The following STK33 variants were observed in gnomAD, a reference collection of about 807,000 sequenced individuals.
STK33 encodes the protein serine/threonine-protein kinase 33.
Under a neutral mutation model 58.0 loss-of-function variants are expected in STK33, and 52 were observed. That is an observed-to-expected ratio of 0.90 (90% CI 0.72 to 1.13). The LOEUF (loss-of-function observed/expected upper bound fraction) is 1.13. Among genes scored for constraint, STK33 ranks in the 50% most tolerant of loss-of-function variants. The pLI, the probability that STK33 is intolerant of heterozygous loss-of-function variation, is 0.00. For missense variants in STK33, 630 were observed against 604.2 expected (o/e 1.04, Z -0.45); for synonymous variants, 215 against 200.1 (o/e 1.07, Z -0.63).
chr11:8,490,109 C>T (rs562240503), intron 1 of STK33, among the ~76,000 whole-genome samples: 2 of 152,280 alleles, frequency 1.3e-5, no homozygotes, highest in South Asian at 2.1e-4. Flanking sequence ...CGAAGCAGGG[C>T]GAGGCGTTGC....
intron 15 of STK33, among the ~76,000 whole-genome samples, chr11:8,396,685 C>T (rs542648025): frequency 1.3e-5 from 2 of 152,316 alleles, no homozygotes. Context: ...CCGGGAAGCG[C>T]AAGGGGTCAG....
At chr11:8,337,939 T>A in the STK33 span, among the ~76,000 whole-genome samples, 1 of 151,806 alleles carries the variant, frequency 6.6e-6, no homozygotes, top group Non-Finnish European at 1.5e-5. Flanking sequence ...TTGCAACCCA[T>A]CCCCCGTATT....
intron 11 of STK33, among the ~76,000 whole-genome samples, chr11:8,450,501 C>A (rs1946139632): frequency 1.3e-5 from 2 of 151,898 alleles, no homozygotes; most frequent in Non-Finnish European, 2.9e-5. Context: ...CACATGTATA[C>A]CTATGTAACA....
At chr11:8,477,311 T>C (rs1949375073) in intron 2 of STK33, 28 bp from the exon 3 acceptor site, 1 of 152,158 alleles carries the variant, frequency 6.6e-6, no homozygotes, top group Admixed American at 6.5e-5. Context: ...GCATTTCAGG[T>C]TAAATATAAA....
intron 1 of STK33, among the ~76,000 whole-genome samples, chr11:8,484,026 T>C (rs912076973): frequency 1.4e-4 from 21 of 152,220 alleles, no homozygotes; most frequent in African/African-American, 4.3e-4. Context: ...TTATTCAACA[T>C]TAAAATCTCA....
chr11:8,458,101 G>A (rs935710268), intron 8 of STK33, among the ~76,000 whole-genome samples: 2 of 152,088 alleles, frequency 1.3e-5, no homozygotes, highest in Non-Finnish European at 2.9e-5. Context: ...CCGGGGTTGC[G>A]GGGTGCACGT....
chr11:8,504,662 C>T (rs538934912), intron 1 of STK33, among the ~76,000 whole-genome samples: 54 of 151,888 alleles, frequency 3.6e-4, no homozygotes, highest in African/African-American at 1.3e-3. Context: ...ATTATCCAGG[C>T]ATGGTGGTGT....
At chr11:8,531,698 C>A (rs1338175698) in intron 1 of STK33, among the ~76,000 whole-genome samples, 2 of 152,194 alleles carry the variant, frequency 1.3e-5, no homozygotes, top group Non-Finnish European at 2.9e-5. Flanking sequence ...AGCTGCATAG[C>A]CTTTTCTGAA....
intron 1 of STK33, among the ~76,000 whole-genome samples, chr11:8,551,059 G>A (rs977300829): frequency 6.6e-6 from 1 of 152,074 alleles, no homozygotes; most frequent in South Asian, 2.1e-4. Flanking sequence ...GGCAAGGAAG[G>A]GCAAGTCATA....
intron 1 of STK33, among the ~76,000 whole-genome samples, chr11:8,515,348 C>T (rs1417568014): frequency 6.6e-6 from 1 of 151,960 alleles, no homozygotes; most frequent in Non-Finnish European, 1.5e-5. Context: ...ATAGAACCTA[C>T]CAAGATAAAT....
At chr11:8,422,945 C>T (rs543030064) in intron 14 of STK33, among the ~76,000 whole-genome samples, 1 of 151,454 alleles carries the variant, frequency 6.6e-6, no homozygotes, top group African/African-American at 2.4e-5. Context: ...CCCACCTCAG[C>T]CTTTCGAGTA....
At chr11:8,462,472 C>CACACATAT (rs541126483) in intron 7 of STK33, among the ~76,000 whole-genome samples, 3 of 141,868 alleles carry the variant, frequency 2.1e-5, no homozygotes, top group African/African-American at 8.0e-5. Flanking sequence ...CACACACACA[C>CACACATAT]ATATATATAT....
intron 1 of STK33, among the ~76,000 whole-genome samples, chr11:8,540,428 T>C (rs1449425335): frequency 6.6e-6 from 1 of 151,998 alleles, no homozygotes; most frequent in Non-Finnish European, 1.5e-5. Context: ...GAATGAGCTA[T>C]GATCATACCA....
chr11:8,480,301 C>T (rs949386122), intron 2 of STK33, among the ~76,000 whole-genome samples, 109 bp downstream of exon 2: 4 of 152,118 alleles, frequency 2.6e-5, no homozygotes, highest in African/African-American at 7.2e-5. Flanking sequence ...CAGACTAGGA[C>T]GTATTGAGGT....
At chr11:8,394,577 T>C (rs1049815165) in intron 15 of STK33, among the ~76,000 whole-genome samples, 1 of 152,192 alleles carries the variant, frequency 6.6e-6, no homozygotes, top group Non-Finnish European at 1.5e-5. Context: ...GTTAATGTAA[T>C]TGAGTCATTA....
At chr11:8,553,219 A>C (rs1956477579) in intron 1 of STK33, among the ~76,000 whole-genome samples, 1 of 108,830 alleles carries the variant, frequency 9.2e-6, no homozygotes, top group African/African-American at 3.9e-5. Flanking sequence ...ATATATATAT[A>C]TATATGGTGT....
intron 1 of STK33, among the ~76,000 whole-genome samples, chr11:8,550,249 TA>T (rs2140541273): frequency 6.6e-6 from 1 of 152,304 alleles, no homozygotes; most frequent in East Asian, 1.9e-4. Context: ...AATATGTAAT[TA>T]ATAGCAATAG....
chr11:8,572,087 T>A (rs1384902096), intron 1 of STK33, among the ~76,000 whole-genome samples: 1 of 151,102 alleles, frequency 6.6e-6, no homozygotes, highest in African/African-American at 2.4e-5. Flanking sequence ...TTAAAAAAAC[T>A]ATCCAAGGCT....
At chr11:8,413,383 G>A (rs773902320) in intron 15 of STK33, 112 bp downstream of exon 15, 6 of 1,156,720 alleles carry the variant, frequency 5.2e-6, no homozygotes, top group African/African-American at 1.5e-5. Flanking sequence ...GCTATATAAC[G>A]CTCGGCCTTT....
Sources: allele counts gnomAD v4.1 joint callset (sites outside exome capture counted in the v4.1 genomes callset), GRCh38; gene constraint gnomAD v4.1.1; transcripts MANE v1.5; gene names NCBI Gene and HGNC (gene_info 2026-07-23, HGNC 2026-07-21).